Variants in DLGAP2 observed in about 807,000 individuals in gnomAD.
DLGAP2 encodes disks large-associated protein 2.
Under a neutral mutation model 100.3 loss-of-function variants are expected in DLGAP2, and 26 were observed. That is an observed-to-expected ratio of 0.26 (90% confidence interval 0.19 to 0.36). The LOEUF (loss-of-function observed/expected upper bound fraction) is 0.36. Ranked by LOEUF, DLGAP2 falls within the 10% of genes least tolerant of loss-of-function variation. DLGAP2 has a pLI of 1.00. For missense variants in DLGAP2, 1,858 were observed against 1,453.2 expected, an observed-to-expected ratio of 1.28 and a Z score of -4.53; for synonymous variants, 886 against 630.1, an observed-to-expected ratio of 1.41 and a Z score of -6.08.
chr8:1,181,822 A>T (rs760257127), intron 2 of DLGAP2, among the ~76,000 whole-genome samples: 1 of 152,178 alleles, frequency 6.6e-6, no homozygotes, highest in Non-Finnish European at 1.5e-5. Flanking sequence ...GCAGAAGGCT[A>T]TGAGTGACAG....
At chr8:1,660,192 G>T (rs1347423852) in intron 8 of DLGAP2, among the ~76,000 whole-genome samples, 1 of 152,142 alleles carries the variant, frequency 6.6e-6, no homozygotes. Context: ...TGGCTTGTAG[G>T]ATTTCTACTG....
At chr8:1,350,438 G>GTGCGTGGAAAGGCCGCGCGGGTCCTGAC (rs1801689536) in intron 3 of DLGAP2, among the ~76,000 whole-genome samples, 1 of 64,740 alleles carries the variant, frequency 1.5e-5, no homozygotes, top group Non-Finnish European at 3.0e-5. Flanking sequence ...CGGGTCCTGA[G>GTGCGTGGAAAGGCCGCGCGGGTCCTGAC]TGTGCGTGGA....
chr8:864,240 G>A (rs1797448042), intron 1 of DLGAP2, among the ~76,000 whole-genome samples: 1 of 152,134 alleles, frequency 6.6e-6, no homozygotes, highest in South Asian at 2.1e-4. Flanking sequence ...CAGGGACTTG[G>A]GTAGGGGAAG....
chr8:1,111,348 C>T lies in DLGAP2; in HGVS notation c.74-147503C>T, dbSNP rs867299683. Among the ~76,000 whole-genome samples, 4 of 152,180 alleles carry T rather than the reference C, an allele frequency of 2.6e-5. No homozygotes were observed. In the South Asian group the frequency reaches 6.2e-4, roughly 24 times the overall value. On this transcript the variant is annotated intron_variant, in intron 2 of 14. Coordinates refer to ENST00000637795, the MANE Select transcript of DLGAP2 (RefSeq NM_001346810.2). ...TTTCAGGCCAGACTCCCTGGGTTCA[C>T]GTTCCAGTCCCCATTTTCTGTGTGA...
chr8:1,582,175 A>C (rs540261227), intron 6 of DLGAP2, among the ~76,000 whole-genome samples: 1 of 151,634 alleles, frequency 6.6e-6, no homozygotes, highest in South Asian at 2.1e-4. Context: ...AACTACCAGA[A>C]GTGAAGGATA....
chr8:787,663 T>C (rs10094226), intron 1 of DLGAP2, among the ~76,000 whole-genome samples: 43,488 of 152,068 alleles, frequency 0.29, 6,997 homozygotes, highest in East Asian at 0.53. Flanking sequence ...TGGCCTTGTC[T>C]TGCTCCGGGC....
In DLGAP2 at chr8:1,302,240, AC is replaced by A. The variant is rs1277471151; in HGVS notation, c.106+43359del. ...TCCCGAGCTCTGCTCCATACCTGGG[AC>A]CGGACTCAGCATTTTCTGTGAGTTC... On this transcript the variant is annotated intron_variant, in intron 3 of 14. Transcript: ENST00000637795. 64 of 147,992 alleles carry A rather than the reference AC, an allele frequency of 4.3e-4. 5 individuals carry two copies. Among genetic ancestry groups the A allele is most frequent in the African/African-American group, 1.5e-3 (60 of 38,714 alleles). The allele number at this position is 147,992 out of a possible 1,614,324, so 9.2% of individuals were successfully genotyped here. A position where few individuals can be genotyped will look rare whatever the true frequency, so the allele number is the denominator to read the frequency against.
intron 2 of DLGAP2, among the ~76,000 whole-genome samples, chr8:1,138,319 G>A (rs529639780): frequency 6.6e-5 from 10 of 152,332 alleles, no homozygotes; most frequent in East Asian, 5.8e-4. Context: ...TCTGCATGCC[G>A]ATGAAGACCT....
At position 1,334,444 on chromosome 8, in the gene DLGAP2, T is replaced by C. The variant is rs546160395; in HGVS notation, c.106+75561T>C. Among the ~76,000 whole-genome samples, 20 of 152,334 alleles carry C rather than the reference T, an allele frequency of 1.3e-4. No individual in the cohort carries two copies. In the East Asian group the frequency reaches 1.4e-3, roughly 10 times the overall value. ...CGGTGAATTTTCTGTAAATATGTGC[T>C]GTGGGAACGTGCTGTGGATTTCTCA... On this transcript the variant is annotated intron_variant, in intron 3 of 14. Coordinates refer to ENST00000637795, the MANE Select transcript of DLGAP2 (RefSeq NM_001346810.2).
At chr8:1,575,317 TC>T (rs1330384314) in intron 6 of DLGAP2, among the ~76,000 whole-genome samples, 5 of 151,190 alleles carry the variant, frequency 3.3e-5, no homozygotes, top group Non-Finnish European at 5.9e-5. Context: ...ACACCGCAAA[TC>T]CCCACCTAAA....
chr8:1,049,121 C>T (rs1056191126), intron 2 of DLGAP2, among the ~76,000 whole-genome samples: 5 of 152,172 alleles, frequency 3.3e-5, no homozygotes, highest in African/African-American at 7.2e-5. Flanking sequence ...CATCTTGTGG[C>T]GGGCACTGTC....
At chr8:1,251,496 G>A (rs1799039551) in intron 2 of DLGAP2, among the ~76,000 whole-genome samples, 1 of 152,192 alleles carries the variant, frequency 6.6e-6, no homozygotes. Context: ...GGAGTGCACT[G>A]GTGTATTTTG....
chr8:785,372 C>T (rs1821818177), intron 1 of DLGAP2, among the ~76,000 whole-genome samples: 1 of 151,906 alleles, frequency 6.6e-6, no homozygotes, highest in Non-Finnish European at 1.5e-5. Flanking sequence ...GGCCCCTGCA[C>T]CTCATGCCCC....
At chr8:1,607,223 T>A (rs1486441097) in intron 6 of DLGAP2, among the ~76,000 whole-genome samples, 1 of 152,240 alleles carries the variant, frequency 6.6e-6, no homozygotes, top group Non-Finnish European at 1.5e-5. Context: ...CATCATTCTT[T>A]AAAATCTGAC....
chr8:1,099,333 G>T (rs758434958), intron 2 of DLGAP2, among the ~76,000 whole-genome samples: 17 of 152,342 alleles, frequency 1.1e-4, no homozygotes, highest in Non-Finnish European at 2.4e-4. Flanking sequence ...GTTGCGTAGA[G>T]ACGTGTGTCT....
At chr8:1,133,529 T>C (rs968134084) in intron 2 of DLGAP2, among the ~76,000 whole-genome samples, 4 of 152,178 alleles carry the variant, frequency 2.6e-5, no homozygotes, top group Admixed American at 2.6e-4. Flanking sequence ...CAGAAATAGA[T>C]TTCTGAAACT....
At chr8:826,003 C>A (rs1796678866) in intron 1 of DLGAP2, among the ~76,000 whole-genome samples, 1 of 148,976 alleles carries the variant, frequency 6.7e-6, no homozygotes, top group Non-Finnish European at 1.5e-5. Context: ...ACCCTGGGAA[C>A]CGTACTTCTT....
chr8:1,194,058 C>T (rs138018710), intron 2 of DLGAP2, among the ~76,000 whole-genome samples: 7 of 152,208 alleles, frequency 4.6e-5, no homozygotes, highest in South Asian at 2.1e-4. Context: ...TTCAAGTCAA[C>T]GTGACAGGTG....
At chr8:1,656,701 C>A (rs564877965) in intron 8 of DLGAP2, among the ~76,000 whole-genome samples, 3 of 152,346 alleles carry the variant, frequency 2.0e-5, no homozygotes, top group Admixed American at 1.3e-4. Context: ...CAACACTCTT[C>A]ATTTCATGCA....
Sources: gnomAD v4.1 joint callset for allele counts (sites outside exome capture counted in the v4.1 genomes callset) on GRCh38, gnomAD v4.1.1 for gene constraint, MANE v1.5 for transcripts, NCBI Gene and HGNC (gene_info 2026-07-23, HGNC 2026-07-21) for gene names.